The following MOGAT1 variants were observed in gnomAD, a reference collection of about 807,000 sequenced individuals.
MOGAT1 encodes monoacylglycerol O-acyltransferase 1, also known as 2-acylglycerol O-acyltransferase 1.
MOGAT1 carries 32 observed loss-of-function variants against 31.4 expected under a neutral mutation model. The ratio of observed to expected loss-of-function variants is 1.02; its 90% CI spans 0.77 to 1.37. MOGAT1 has a LOEUF of 1.37. Among genes scored for constraint, MOGAT1 ranks in the 40% most tolerant of loss-of-function variants. MOGAT1 has a pLI of 0.00. For synonymous variants in MOGAT1, 145 were observed against 144.5 expected, an observed-to-expected ratio of 1.00 and a Z score of -0.03; for missense variants, 426 against 402.0, an observed-to-expected ratio of 1.06 and a Z score of -0.51.
At chr2:222,704,441 G>A (rs543956536) in intron 5 of MOGAT1, among the ~76,000 whole-genome samples, 1 of 152,018 alleles carries the variant, frequency 6.6e-6, no homozygotes, top group South Asian at 2.1e-4. Context: ...TGGCTAACAC[G>A]GTGAAACCCC....
At chr2:222,689,535 TC>T (rs1692727546) in intron 3 of MOGAT1, 66 bp downstream of exon 3, 10 of 1,433,880 alleles carry the variant, frequency 7.0e-6, no homozygotes, top group Non-Finnish European at 7.9e-6. Flanking sequence ...GAACATTCCC[TC>T]CCAGGCCCAT....
At chr2:222,694,233 A>C in intron 3 of MOGAT1, 129 bp from the exon 4 acceptor site, 1 of 790,634 alleles carries the variant, frequency 1.3e-6, no homozygotes, top group African/African-American at 1.8e-5. Context: ...ACAAACTTAC[A>C]AAGTGCTCCA....
At chr2:222,701,551 AAGAAAGAAAG>A (rs1340889037) in intron 5 of MOGAT1, among the ~76,000 whole-genome samples, 3 of 146,206 alleles carry the variant, frequency 2.1e-5, no homozygotes, top group Non-Finnish European at 4.5e-5. Flanking sequence ...AAAAAGAAAA[AAGAAAGAAAG>A]AGAAAGAAAG....
intron 5 of MOGAT1, among the ~76,000 whole-genome samples, chr2:222,700,837 G>C (rs1692907643): frequency 6.6e-6 from 1 of 152,204 alleles, no homozygotes; most frequent in Non-Finnish European, 1.5e-5. Context: ...TCATGCACTT[G>C]AAATGCAGTG....
chr2:222,674,446 CT>C (rs1368302463), intron 1 of MOGAT1, among the ~76,000 whole-genome samples: 4 of 152,012 alleles, frequency 2.6e-5, no homozygotes, highest in South Asian at 2.1e-4. Context: ...AAACAAATCA[CT>C]TTTTTTGTAT....
intron 1 of MOGAT1, among the ~76,000 whole-genome samples, chr2:222,672,889 T>TTTTTTATTATTA (rs139797469): frequency 0.023 from 3,226 of 139,176 alleles, 119 homozygotes; most frequent in African/African-American, 0.082. Flanking sequence ...CTGGAATTTG[T>TTTTTTATTATTA]TTATTATTAT....
At chr2:222,677,702 TG>T in intron 1 of MOGAT1, 1 of 422,360 alleles carries the variant, frequency 2.4e-6, no homozygotes, top group South Asian at 2.0e-5. Context: ...CAGCCTTTCT[TG>T]TCTTTTTCTT....
At chr2:222,707,910 T>A (rs1263956667) in intron 5 of MOGAT1, among the ~76,000 whole-genome samples, 2 of 152,146 alleles carry the variant, frequency 1.3e-5, no homozygotes, top group Non-Finnish European at 2.9e-5. Context: ...CTGACATGAA[T>A]CAGAACCTCG....
chr2:222,672,915 T>TATTA (rs1255288474), intron 1 of MOGAT1, among the ~76,000 whole-genome samples: 1 of 148,274 alleles, frequency 6.7e-6, no homozygotes, highest in Non-Finnish European at 1.5e-5. Context: ...TTATTATTAT[T>TATTA]ATTATTATTA....
At chr2:222,672,989 C>A (rs1293008106) in intron 1 of MOGAT1, among the ~76,000 whole-genome samples, 1 of 151,474 alleles carries the variant, frequency 6.6e-6, no homozygotes, top group Non-Finnish European at 1.5e-5. Flanking sequence ...TCTCGGCTCA[C>A]CACAACCTCC....
chr2:222,678,915 C>T (rs1187026563), intron 1 of MOGAT1, among the ~76,000 whole-genome samples: 2 of 151,986 alleles, frequency 1.3e-5, no homozygotes, highest in Non-Finnish European at 1.5e-5. Context: ...CACTCCAGCA[C>T]CTGGGTGACA....
chr2:222,690,271 A>G (rs557520041), intron 3 of MOGAT1, among the ~76,000 whole-genome samples: 58 of 152,260 alleles, frequency 3.8e-4, no homozygotes, highest in African/African-American at 1.4e-3. Flanking sequence ...AAAAATAAAT[A>G]AAAAGAGACG....
chr2:222,698,117 G>A (rs1692863622), intron 5 of MOGAT1, among the ~76,000 whole-genome samples: 1 of 150,686 alleles, frequency 6.6e-6, no homozygotes, highest in African/African-American at 2.5e-5. Flanking sequence ...TGGGGTTTTA[G>A]TGAGAGACTG....
At chr2:222,696,225 CAT>C (rs527464423) in intron 5 of MOGAT1, among the ~76,000 whole-genome samples, 3 of 152,290 alleles carry the variant, frequency 2.0e-5, no homozygotes, top group South Asian at 4.1e-4. Context: ...CTGCTATAAA[CAT>C]GTGTGTGCAA....
At chr2:222,674,589 C>A (rs1024565752) in intron 1 of MOGAT1, among the ~76,000 whole-genome samples, 4 of 152,114 alleles carry the variant, frequency 2.6e-5, no homozygotes, top group Non-Finnish European at 5.9e-5. Context: ...GGTAGCTTTT[C>A]CTCCTCATCC....
At chr2:222,678,694 A>C (rs1327248310) in intron 1 of MOGAT1, among the ~76,000 whole-genome samples, 1 of 152,196 alleles carries the variant, frequency 6.6e-6, no homozygotes, top group Non-Finnish European at 1.5e-5. Flanking sequence ...TAATCCCAGC[A>C]CTTTGAGAGG....
At chr2:222,691,196 T>A (rs185363254) in intron 3 of MOGAT1, among the ~76,000 whole-genome samples, 5,475 of 151,460 alleles carry the variant, frequency 0.036, 267 homozygotes, top group African/African-American at 0.11. Flanking sequence ...TTATTTATTT[T>A]TTATTTTATT....
At chr2:222,695,352 AG>A in intron 5 of MOGAT1, 64 bp downstream of exon 5, 1 of 1,121,294 alleles carries the variant, frequency 8.9e-7, no homozygotes, top group South Asian at 1.7e-5. Context: ...TTATTGATTG[AG>A]GTGCTAATGC....
chr2:222,689,440 C>G lies in MOGAT1; in HGVS notation c.449C>G (p.Pro150Arg). 2 of 1,613,978 alleles carry G rather than the reference C, an allele frequency of 1.2e-6. No individual in the cohort carries two copies. The highest frequency in any genetic ancestry group is 1.7e-6 in the Non-Finnish European group (2 of 1,179,892). Residue 150 changes from proline to arginine, a missense_variant, in exon 3 of 6, where the codon CCT becomes CGT. Transcript: ENST00000446656. ...LHVLPLWFWC[P>R]VFREYVMSVG... ...GTGCTGCCACTTTGGTTCTGGTGTC[C>G]TGTCTTTCGAGAATATGTGATGAGT...
Sources: allele counts gnomAD v4.1 joint callset (sites outside exome capture counted in the v4.1 genomes callset), GRCh38; gene constraint gnomAD v4.1.1; transcripts MANE v1.5; gene names NCBI Gene and HGNC (gene_info 2026-07-23, HGNC 2026-07-21).